The following PLEKHF2 variants were observed in gnomAD, a reference collection of about 807,000 sequenced individuals.
PLEKHF2 encodes the protein pleckstrin homology and FYVE domain containing 2, also known as pleckstrin homology domain-containing family F member 2.
PLEKHF2 carries 4 observed loss-of-function variants against 14.7 expected under a neutral mutation model. The observed-to-expected ratio is 0.27, with a 90% CI of 0.13 to 0.62. PLEKHF2 has a LOEUF of 0.62. Among genes scored for constraint, PLEKHF2 ranks in the 20% least tolerant of loss-of-function variants. PLEKHF2 has a pLI of 0.85. For synonymous variants in PLEKHF2, 90 were observed against 103.5 expected, an observed-to-expected ratio of 0.87 and a Z score of 0.79; for missense variants, 201 against 307.7, an observed-to-expected ratio of 0.65 and a Z score of 2.60.
At position 95,138,975 on chromosome 8, in the gene PLEKHF2, T is replaced by C. The variant is rs80216266; in HGVS notation, c.-15+4945T>C. ...AAGCATTTCTATTGCCAAAATGGCA[T>C]TTAGAAAAGTTGTTCCAGTGTATAT... On this transcript the variant is annotated intron_variant, in intron 1 of 1. Coordinates refer to ENST00000315367, the MANE Select transcript of PLEKHF2 (RefSeq NM_024613.4). 3.2e-4 allele frequency among the ~76,000 whole-genome samples: 49 copies of C among 152,370 alleles called. No individual in the cohort carries two copies. In the East Asian group the frequency reaches 9.1e-3, roughly 28 times the overall value.
Position 95,154,879 on chromosome 8 carries a change from G to A in PLEKHF2, c.*85G>A, listed in dbSNP as rs1235726382. On this transcript the variant is annotated 3_prime_UTR_variant, in exon 2 of 2. Transcript: ENST00000315367. This position sits in a 1 kb window ranked among gnomAD's most constrained non-coding sequence, Gnocchi z 5.6. ...ATGTAAGATTCTGAGCTCTCTCTCT[G>A]TTTTGTTCTAGCCATGAATTTGCCT... The A allele has an allele frequency of 3.4e-6, 5 of 1,474,494 alleles. No homozygotes were observed. Among genetic ancestry groups the A allele is most frequent in the Non-Finnish European group, 4.6e-6 (5 of 1,082,660 alleles). The allele number at this position is 1,474,494 out of a possible 1,614,324, so 91.3% of individuals were successfully genotyped here.
chr8:95,153,027 T>C (rs542137123), intron 1 of PLEKHF2, among the ~76,000 whole-genome samples: 11 of 152,302 alleles, frequency 7.2e-5, no homozygotes, highest in Middle Eastern at 3.4e-3. Context: ...GTTTTGCACA[T>C]TGTTAAAATG....
In PLEKHF2 at chr8:95,155,930, CAA is replaced by C. The variant is rs966515687; in HGVS notation, c.*1137_*1138del. On this transcript the variant is annotated 3_prime_UTR_variant, in exon 2 of 2. Coordinates refer to ENST00000315367, the MANE Select transcript of PLEKHF2 (RefSeq NM_024613.4). ...TTATAAAGTTTTGTAAAATCCCAAA[CAA>C]TATTTCTATTTTTGTAAAACAATTG... 24 of 167,074 alleles carry C rather than the reference CAA, an allele frequency of 1.4e-4. No individual in the cohort carries two copies. Among genetic ancestry groups the C allele is most frequent in the African/African-American group, 5.8e-4 (24 of 41,554 alleles). The allele number at this position is 167,074 out of a possible 1,614,324, so 10.3% of individuals were successfully genotyped here. A position where few individuals can be genotyped will look rare whatever the true frequency, so the allele number is the denominator to read the frequency against.
At chr8:95,146,544 C>G (rs1176962243) in intron 1 of PLEKHF2, among the ~76,000 whole-genome samples, 1 of 143,282 alleles carries the variant, frequency 7.0e-6, no homozygotes, top group Non-Finnish European at 1.5e-5. Context: ...TTTTTATCTT[C>G]TAGTATTACA....
At chr8:95,143,350 C>T (rs368790954) in intron 1 of PLEKHF2, among the ~76,000 whole-genome samples, 20 of 152,248 alleles carry the variant, frequency 1.3e-4, no homozygotes, top group Middle Eastern at 3.4e-3. Flanking sequence ...CCGCCCGCCT[C>T]GGCCTCCCAA....
At chr8:95,147,461 A>G (rs1046914612) in intron 1 of PLEKHF2, among the ~76,000 whole-genome samples, 1 of 152,032 alleles carries the variant, frequency 6.6e-6, no homozygotes, top group Admixed American at 6.5e-5. Flanking sequence ...CTTCCAAAGA[A>G]CAAAAACAAA....
At chr8:95,138,343 T>G (rs1028507289) in intron 1 of PLEKHF2, among the ~76,000 whole-genome samples, 3 of 115,760 alleles carry the variant, frequency 2.6e-5, no homozygotes, top group Non-Finnish European at 5.4e-5. Context: ...TTGCACCAAC[T>G]TCTTCATCTT....
intron 1 of PLEKHF2, among the ~76,000 whole-genome samples, chr8:95,144,450 A>G (rs1810473480): frequency 6.6e-6 from 1 of 152,232 alleles, no homozygotes; most frequent in Admixed American, 6.5e-5. Flanking sequence ...TACCATAGAT[A>G]TGTAATTTTT....
intron 1 of PLEKHF2, among the ~76,000 whole-genome samples, chr8:95,152,223 G>T (rs1035385983): frequency 1.3e-5 from 2 of 151,924 alleles, no homozygotes; most frequent in East Asian, 3.8e-4. Flanking sequence ...TATGATTAAG[G>T]GTGTGTCATA....
intron 1 of PLEKHF2, among the ~76,000 whole-genome samples, chr8:95,142,392 C>T (rs936618558): frequency 1.3e-5 from 2 of 152,054 alleles, no homozygotes; most frequent in African/African-American, 4.8e-5. Context: ...GTAGCTGGGA[C>T]CACAAGTGCA....
chr8:95,138,361 C>CCCCT (rs1810402361), intron 1 of PLEKHF2, among the ~76,000 whole-genome samples: 1 of 87,440 alleles, frequency 1.1e-5, no homozygotes, highest in African/African-American at 4.5e-5. Flanking sequence ...CTTCCCCCCC[C>CCCCT]CCCCGCCCCT....
intron 1 of PLEKHF2, 40 bp downstream of exon 1, chr8:95,134,070 G>T (rs1810348823): frequency 6.6e-6 from 1 of 151,810 alleles, no homozygotes; most frequent in Admixed American, 6.6e-5. Flanking sequence ...GGCTCCTGAC[G>T]GGCCGGGAGG....
chr8:95,151,363 G>GTT (rs113385638), intron 1 of PLEKHF2, among the ~76,000 whole-genome samples: 10 of 149,356 alleles, frequency 6.7e-5, no homozygotes, highest in African/African-American at 1.2e-4. Flanking sequence ...GATCCTTTCA[G>GTT]TTTTTTTTTT....
rs1810600153 is a variant in PLEKHF2 at position 95,154,911 on chromosome 8, C to T, written c.*117C>T. The T allele has an allele frequency of 2.3e-6, 3 of 1,285,906 alleles. No individual in the cohort carries two copies. The highest frequency in any genetic ancestry group is 3.2e-6 in the Non-Finnish European group (3 of 928,422). 79.7% of individuals were successfully genotyped at this position (1,285,906 alleles called of 1,614,324 possible). On this transcript the variant is annotated 3_prime_UTR_variant, in exon 2 of 2. Transcript: ENST00000315367. This position sits in a 1 kb window ranked among gnomAD's most constrained non-coding sequence, Gnocchi z 5.6. ...TCTAGCCATGAATTTGCCTGAGAAA[C>T]TTGTAACCTATGTGCCTCAATATAT...
At chr8:95,151,435 T>C (rs1477947815) in intron 1 of PLEKHF2, among the ~76,000 whole-genome samples, 3 of 151,972 alleles carry the variant, frequency 2.0e-5, no homozygotes, top group Non-Finnish European at 4.4e-5. Context: ...TCTGGAATAT[T>C]CTCCCCTATC....
intron 1 of PLEKHF2, among the ~76,000 whole-genome samples, chr8:95,135,972 T>G (rs1393369104): frequency 6.6e-6 from 1 of 152,228 alleles, no homozygotes; most frequent in African/African-American, 2.4e-5. Flanking sequence ...GCCTATACTC[T>G]TTGAAGCCTT....
intron 1 of PLEKHF2, among the ~76,000 whole-genome samples, chr8:95,146,858 A>G (rs573064336): frequency 3.9e-5 from 6 of 152,130 alleles, no homozygotes; most frequent in Non-Finnish European, 8.8e-5. Context: ...ATGGAATTCT[A>G]TGAAGTACCT....
In PLEKHF2 at chr8:95,154,361, C is replaced by G; in HGVS notation, c.317C>G (p.Thr106Ser). Residue 106 changes from threonine (T) to serine (S), a missense_variant, in exon 2 of 2, where the codon ACT (threonine) becomes AGT (serine). Physicochemically the swap from Thr to Ser is moderately conservative, Grantham distance 58 (BLOSUM62 1). Transcript: ENST00000315367. This position sits in a 1 kb window ranked among gnomAD's most constrained non-coding sequence, Gnocchi z 5.6. ...LRNGWLIKTP[T>S]KSFAVYAATA... ...AATGGATGGCTAATCAAGACACCAA[C>G]TAAATCTTTTGCAGTTTATGCTGCC... 2 of 1,614,030 alleles carry G rather than the reference C, an allele frequency of 1.2e-6. No individual in the cohort carries two copies. The highest frequency in any genetic ancestry group is 1.7e-6 in the Non-Finnish European group (2 of 1,179,946).
chr8:95,136,673 C>T (rs752194714), intron 1 of PLEKHF2, among the ~76,000 whole-genome samples: 3 of 151,926 alleles, frequency 2.0e-5, no homozygotes, highest in East Asian at 3.9e-4. Context: ...ATTGTTTTGC[C>T]GGAATTGTCT....
Sources: allele counts gnomAD v4.1 joint callset (sites outside exome capture counted in the v4.1 genomes callset), GRCh38; gene constraint gnomAD v4.1.1; non-coding constraint Gnocchi (gnomAD v3.1); transcripts MANE v1.5; gene names NCBI Gene and HGNC (gene_info 2026-07-23, HGNC 2026-07-21).